SRCAP: variants seen among roughly 807,000 people sequenced by gnomAD.
SRCAP encodes the protein Snf2 related CREBBP activator protein, also known as chromatin remodeling protein SRCAP.
SRCAP carries 46 observed loss-of-function variants against 263.1 expected under a neutral mutation model. The observed-to-expected ratio is 0.17, with a 90% CI of 0.14 to 0.22. The LOEUF is 0.22. SRCAP is among the 10% of genes least tolerant of loss of function. SRCAP has a pLI of 1.00. For missense variants in SRCAP, 3,695 were observed against 4,181.9 expected (o/e 0.88, Z 3.21); for synonymous variants, 1,813 against 1,662.1 (o/e 1.09, Z -2.21).
intron 7 of SRCAP, 26 bp from the exon 8 acceptor site, chr16:30,709,825 T>C: frequency 5.0e-6 from 8 of 1,613,460 alleles, no homozygotes; most frequent in Non-Finnish European, 6.8e-6. Context: ...GCCCGTGGAC[T>C]TTGTGACCTT....
chr16:30,702,554 C>CTCCCTCCCTCCCT (rs1412077860), intron 3 of SRCAP, among the ~76,000 whole-genome samples: 1 of 134,928 alleles, frequency 7.4e-6, no homozygotes, highest in East Asian at 2.3e-4. Flanking sequence ...CCCTCCTTCC[C>CTCCCTCCCTCCCT]TCCCTCCCTC....
Position 30,700,887 on chromosome 16 carries a change from G to A in SRCAP, c.54+9G>A. The A allele has an allele frequency of 1.2e-6, 2 of 1,614,082 alleles. No individual in the cohort carries two copies. The highest frequency in any genetic ancestry group is 1.7e-6 in the Non-Finnish European group (2 of 1,179,914). On this transcript the variant is annotated intron_variant, in intron 3 of 33. Transcript: ENST00000262518. ...CAGTCCTACAGACACAGGTTTGAAA[G>A]TGGGAAGAGTTCCTTCTCTGCTTCT...
At chr16:30,721,066 A>C in intron 20 of SRCAP, 88 bp downstream of exon 20, 1 of 1,542,750 alleles carries the variant, frequency 6.5e-7, no homozygotes, top group Non-Finnish European at 8.7e-7. Flanking sequence ...AAAGGGTTTG[A>C]GGAGCTGGGC....
Position 30,709,658 on chromosome 16 carries a change from C to T in SRCAP, c.779C>T (p.Ala260Val), listed in dbSNP as rs757637917. 2.2e-5 allele frequency: 36 copies of T among 1,614,086 alleles called. 1 individual carries two copies. In the South Asian group the frequency reaches 3.7e-4, roughly 17 times the overall value. ...AACCAGCCATTAACCTCCAGCAAAG[C>T]AGGCTCTTCCCCTTGCCTCGGCTCT... ...SLNQPLTSSK[A>V]GSSPCLGSSS... The change falls in exon 7 of 34, where the codon GCA becomes GTA. Residue 260 changes from alanine (A) to valine (V), a missense_variant. Physicochemically the swap from Ala to Val is moderately conservative, Grantham distance 64. Transcript: ENST00000262518.
chr16:30,726,597 T>C (rs921449279), intron 25 of SRCAP, among the ~76,000 whole-genome samples: 3 of 152,010 alleles, frequency 2.0e-5, no homozygotes, highest in African/African-American at 7.2e-5. Context: ...CTTGGCTCAC[T>C]GCAACCTCTG....
chr16:30,724,743 A>T lies in SRCAP; in HGVS notation c.5319A>T (p.Ala1773=), dbSNP rs200756772. The T allele has an allele frequency of 6.2e-7, 1 of 1,613,980 alleles. No individual in the cohort carries two copies. The highest frequency in any genetic ancestry group is 1.7e-5 in the Admixed American group (1 of 60,006). ...APAHTLTLAP[A]SSSASLLAPA... is the part of the protein sequence containing the mutation. Reference sequence around the variant, plus strand: ...CTCACACGCTGACTTTGGCTCCAGCATCGTCATCTGCTTCACTCCTGGCCC... The same window carrying T: ...CTCACACGCTGACTTTGGCTCCAGCTTCGTCATCTGCTTCACTCCTGGCCC... The change falls in exon 25 of 34, where the codon GCA becomes GCT. Residue 1773 remains alanine, a synonymous_variant. Transcript: ENST00000262518.
chr16:30,719,515 T>C (rs925901462), intron 18 of SRCAP, among the ~76,000 whole-genome samples: 2 of 144,794 alleles, frequency 1.4e-5, no homozygotes, highest in African/African-American at 5.0e-5. Context: ...GCACCCGGCC[T>C]TTTTTTTTTT....
In SRCAP at chr16:30,737,212, C is replaced by G. The variant is rs199646032; in HGVS notation, c.7172C>G (p.Pro2391Arg). The G allele has an allele frequency of 6.2e-7, 1 of 1,614,034 alleles. No individual in the cohort carries two copies. The highest frequency in any genetic ancestry group is 8.5e-7 in the Non-Finnish European group (1 of 1,179,988). ...RSKKAKAPER[P>R]GTRVSERLRG... ...AAAAAGGCCAAAGCCCCTGAGAGGCCGGGGACTCGTGTCAGTGAGCGTCTT... is the reference window on the plus strand; with the variant it reads ...AAAAAGGCCAAAGCCCCTGAGAGGCGGGGGACTCGTGTCAGTGAGCGTCTT... The change falls in exon 34 of 34, where the codon CCG becomes CGG. Residue 2391 changes from proline to arginine, a missense_variant. Pro to Arg is a moderately radical substitution (Grantham distance 103). This residue lies in a region of SRCAP where 1,207 missense variants were observed against 1,142.9 expected (regional missense o/e 1.06). Transcript: ENST00000262518.
At chr16:30,731,957 C>T (rs1227597180) in intron 27 of SRCAP, among the ~76,000 whole-genome samples, 1 of 152,028 alleles carries the variant, frequency 6.6e-6, no homozygotes, top group Non-Finnish European at 1.5e-5. Flanking sequence ...CCAGCCTGGG[C>T]AACATGGCGA....
rs1207743394 is a variant in SRCAP at position 30,729,486 on chromosome 16, T to C, written c.6041T>C (p.Leu2014Pro). ...TTCCAGGAGCAATTGGCCTCTGAGC[T>C]CTGGCCCCGGGCTCGTCCTTTGCAC... is the stretch of plus-strand genomic sequence containing the variant. ...AAFQEQLASE[L>P]WPRARPLHRI... The change falls in exon 27 of 34, where the codon CTC becomes CCC. Residue 2014 changes from leucine (L) to proline (P), a missense_variant. Coordinates refer to ENST00000262518, the MANE Select transcript of SRCAP (RefSeq NM_006662.3). The C allele has an allele frequency of 6.2e-7, 1 of 1,614,164 alleles. No homozygotes were observed. Among genetic ancestry groups the C allele is most frequent in the Non-Finnish European group, 8.5e-7 (1 of 1,180,032 alleles).
rs1193633007 is a variant in SRCAP at position 30,704,201 on chromosome 16, A to G, written c.192A>G (p.Pro64=). Residue 64 remains proline, a synonymous_variant, in exon 4 of 34, where the codon CCA becomes CCG. Transcript: ENST00000262518. ...DSSLDGPPGP[P]DGATVPLEGF... is the part of the protein sequence containing the mutation. Reference sequence around the variant, plus strand: ...CACTGGATGGACCTCCAGGCCCCCCAGATGGTGCCACAGTGCCCCTGGAGG... The same window carrying G: ...CACTGGATGGACCTCCAGGCCCCCCGGATGGTGCCACAGTGCCCCTGGAGG... 1 of 1,614,218 alleles carries G rather than the reference A, an allele frequency of 6.2e-7. No homozygotes were observed. The highest frequency in any genetic ancestry group is 8.5e-7 in the Non-Finnish European group (1 of 1,180,034).
In SRCAP at chr16:30,705,116, C is replaced by T. The variant is rs540992212; in HGVS notation, c.306+801C>T. Among the ~76,000 whole-genome samples, 510 of 152,258 alleles carry T rather than the reference C, an allele frequency of 3.3e-3. 4 individuals are homozygous for T. Among genetic ancestry groups the T allele is most frequent in the Non-Finnish European group, 6.0e-3 (410 of 68,016 alleles). ...AGGAGTTCGAGACCAGCCTGGCCAA[C>T]GTGGCAAAATCCCATCTCTGCTAAA... On this transcript the variant is annotated intron_variant, in intron 4 of 33. Transcript: ENST00000262518.
rs746047364 is a variant in SRCAP at position 30,710,868 on chromosome 16, C to G, written c.1228+21C>G. 9.3e-6 allele frequency: 15 copies of G among 1,612,500 alleles called. No homozygotes were observed. In the South Asian group the frequency reaches 1.4e-4, roughly 15 times the overall value. Reference sequence around the variant, plus strand: ...GGAAGGTCAGGGCTGTTCGGTTTGTCCTATTGCCCCTTACCCCTTGAATGA... The same window carrying G: ...GGAAGGTCAGGGCTGTTCGGTTTGTGCTATTGCCCCTTACCCCTTGAATGA... On this transcript the variant is annotated intron_variant, in intron 9 of 33. Coordinates refer to ENST00000262518, the MANE Select transcript of SRCAP (RefSeq NM_006662.3).
intron 30 of SRCAP, 148 bp from the exon 31 acceptor site, chr16:30,734,348 A>G (rs2053139497): frequency 7.9e-7 from 1 of 1,269,372 alleles, no homozygotes; most frequent in Admixed American, 2.4e-5. Flanking sequence ...TCAAAAAAGA[A>G]AAAACAAAAA....
chr16:30,702,528 C>A (rs1460854554), intron 3 of SRCAP, among the ~76,000 whole-genome samples: 1 of 150,762 alleles, frequency 6.6e-6, no homozygotes, highest in African/African-American at 2.4e-5. Flanking sequence ...GCCACCGTGC[C>A]CAGCCCTGTT....
chr16:30,699,509 A>C (rs756749355), intron 1 of SRCAP, among the ~76,000 whole-genome samples: 26 of 151,740 alleles, frequency 1.7e-4, no homozygotes, highest in Non-Finnish European at 3.4e-4. Flanking sequence ...TCCTGGGCGG[A>C]TTTTCCTGTG....
intron 31 of SRCAP, among the ~76,000 whole-genome samples, chr16:30,735,185 C>T (rs2053148744): frequency 1.5e-5 from 2 of 131,404 alleles, no homozygotes; most frequent in South Asian, 2.4e-4. Context: ...CTCGCTCTGT[C>T]GCCCAGGCTG....
Position 30,738,194 on chromosome 16 carries a change from ACCT to A in SRCAP, c.8159_8161del (p.Pro2720del), listed in dbSNP as rs778387301. 8.1e-6 allele frequency: 13 copies of A among 1,613,896 alleles called. No individual in the cohort carries two copies. The East Asian group carries it at 2.0e-4, about 25-fold the overall frequency. On this transcript the variant is annotated inframe_deletion, in exon 34 of 34. Transcript: ENST00000262518. ...CGCCTGAGGGTCCTTCACCTGCCCG[ACCT>A]CCTCGGCGTCGCACCAGTGCTGATG...
At chr16:30,699,747 G>GTA (rs753268359) in intron 1 of SRCAP, among the ~76,000 whole-genome samples, 161 bp from the exon 2 acceptor site, 3 of 152,038 alleles carry the variant, frequency 2.0e-5, no homozygotes, top group Non-Finnish European at 4.4e-5. Flanking sequence ...AGGCAGGATC[G>GTA]TATGTCCCTC....
Sources: gnomAD v4.1 joint callset for allele counts (sites outside exome capture counted in the v4.1 genomes callset) on GRCh38, gnomAD v4.1.1 for gene constraint, gnomAD v4.1.1 regional missense constraint, MANE v1.5 for transcripts, NCBI Gene and HGNC (gene_info 2026-07-23, HGNC 2026-07-21) for gene names.